HIVEP3: variants seen among roughly 807,000 people sequenced by gnomAD.
HIVEP3 encodes HIVEP zinc finger 3, also known as transcription factor HIVEP3.
In HIVEP3, 49 loss-of-function variants were observed where a neutral mutation model predicts 152.8. The ratio of observed to expected loss-of-function variants is 0.32; its 90% confidence interval spans 0.26 to 0.41. HIVEP3 has a LOEUF of 0.41. Ranked by LOEUF, HIVEP3 falls within the 10% of genes least tolerant of loss-of-function variation. HIVEP3 has a pLI of 1.00. For synonymous variants in HIVEP3, 1,269 were observed against 1,289.0 expected, an observed-to-expected ratio of 0.98 and a Z score of 0.33; for missense variants, 2,790 against 3,103.3, an observed-to-expected ratio of 0.90 and a Z score of 2.40.
intron 3 of HIVEP3, among the ~76,000 whole-genome samples, chr1:41,619,271 C>T (rs71652199): frequency 0.044 from 6,712 of 152,338 alleles, 179 homozygotes; most frequent in East Asian, 0.096. Context: ...ACTCTCCACC[C>T]GTCCTGACTG....
intron 1 of HIVEP3, among the ~76,000 whole-genome samples, chr1:41,829,984 A>T (rs1642915232): frequency 6.6e-6 from 1 of 152,236 alleles, no homozygotes; most frequent in Non-Finnish European, 1.5e-5. Context: ...AGAAAAAGCT[A>T]ATCAAATGGG....
intron 1 of HIVEP3, among the ~76,000 whole-genome samples, chr1:41,785,582 A>G (rs1649298807): frequency 6.6e-6 from 1 of 152,248 alleles, no homozygotes; most frequent in African/African-American, 2.4e-5. Context: ...TCTGGCTTTG[A>G]AAATATTTAT....
chr1:41,667,388 G>T (rs1224297331), intron 2 of HIVEP3, among the ~76,000 whole-genome samples: 2 of 152,234 alleles, frequency 1.3e-5, no homozygotes, highest in South Asian at 4.1e-4. Flanking sequence ...TCTGGCCTAA[G>T]CTCTGAGACT....
At chr1:41,691,164 C>T (rs1388722040) in intron 2 of HIVEP3, among the ~76,000 whole-genome samples, 1 of 152,164 alleles carries the variant, frequency 6.6e-6, no homozygotes, top group Non-Finnish European at 1.5e-5. Context: ...GCAAGCAATA[C>T]ATAAAAGTGT....
At chr1:41,512,186 G>A (rs546538475) in intron 8 of HIVEP3, among the ~76,000 whole-genome samples, 7 of 152,260 alleles carry the variant, frequency 4.6e-5, no homozygotes, top group Admixed American at 1.3e-4. Context: ...CCCAAATCTC[G>A]TGTTGAATTG....
intron 3 of HIVEP3, among the ~76,000 whole-genome samples, chr1:41,616,096 A>G (rs775152346): frequency 1.3e-5 from 2 of 151,518 alleles, no homozygotes; most frequent in Non-Finnish European, 2.9e-5. Context: ...CTCTCCCTCC[A>G]CTCCCAAAGC....
At chr1:41,811,130 G>C (rs1378372653) in intron 1 of HIVEP3, among the ~76,000 whole-genome samples, 1 of 149,388 alleles carries the variant, frequency 6.7e-6, no homozygotes, top group Non-Finnish European at 1.5e-5. Flanking sequence ...TGCAGGGTTT[G>C]TGTCACCTGG....
chr1:41,974,492 C>T (rs1645248721), intron 1 of HIVEP3, among the ~76,000 whole-genome samples: 1 of 150,076 alleles, frequency 6.7e-6, no homozygotes, highest in Admixed American at 6.6e-5. Context: ...CCCCTACACA[C>T]ACACACACAC....
Position 41,617,625 on chromosome 1 carries a change from G to C in HIVEP3, c.-522+11124C>G, listed in dbSNP as rs762557262. ...TCCCCATTCAAAGACACACAGAGAGGGACATTGACAGTGCACAGGAGATAT... is the reference window on the plus strand; with the variant it reads ...TCCCCATTCAAAGACACACAGAGAGCGACATTGACAGTGCACAGGAGATAT... On this transcript the variant is annotated intron_variant, in intron 3 of 8. Transcript: ENST00000372583. Among the ~76,000 whole-genome samples the C allele has an allele frequency of 5.2e-4, 79 of 152,212 alleles. 1 individual carries two copies. Among genetic ancestry groups the C allele is most frequent in the Admixed American group, 2.0e-4 (3 of 15,286 alleles).
At chr1:41,915,692 T>C (rs1281243567) in intron 1 of HIVEP3, among the ~76,000 whole-genome samples, 1 of 152,232 alleles carries the variant, frequency 6.6e-6, no homozygotes, top group African/African-American at 2.4e-5. Flanking sequence ...CTAATACCTA[T>C]CAACTACATA....
rs10530354 is a variant in HIVEP3, at chr1:41,665,707, T to TACACACACACACACACACACACACAC, written c.-721+35183_-721+35208dup. On this transcript the variant is annotated intron_variant, in intron 2 of 8. Transcript: ENST00000372583. ...AATGCTTGTTTCCACGGAAATGTTA[T>TACACACACACACACACACACACACAC]ACACACACACACACACACACACACA... 9.4e-3 allele frequency among the ~76,000 whole-genome samples: 1,198 copies of TACACACACACACACACACACACACAC among 127,968 alleles called. 32 individuals are homozygous for TACACACACACACACACACACACACAC. The highest frequency in any genetic ancestry group is 0.016 in the Middle Eastern group (4 of 256). 84.0% of individuals were successfully genotyped at this position (127,968 alleles called of 152,430 possible). A position where few individuals can be genotyped will look rare whatever the true frequency, so the allele number is the denominator to read the frequency against.
intron 1 of HIVEP3, among the ~76,000 whole-genome samples, chr1:41,861,648 GGGA>G (rs1387796052): frequency 6.6e-6 from 1 of 152,206 alleles, no homozygotes; most frequent in Admixed American, 6.5e-5. Flanking sequence ...TTCCAGCCCT[GGGA>G]GGAGGATTTG....
At position 41,582,455 on chromosome 1, in the gene HIVEP3, C is replaced by A; in HGVS notation, c.2343G>T (p.Gly781=). 1 of 1,614,020 alleles carries A rather than the reference C, an allele frequency of 6.2e-7. No homozygotes were observed. The highest frequency in any genetic ancestry group is 8.5e-7 in the Non-Finnish European group (1 of 1,179,874). The change falls in exon 4 of 9, where the codon GGG becomes GGT. Residue 781 remains glycine, a synonymous_variant. Transcript: ENST00000372583. The surrounding 1 kb of genome is among the most constrained non-coding windows in gnomAD (Gnocchi z 4.7). ...TGFQPRTPKP[G]SGSESGKERR... The stretch of plus-strand genomic sequence containing the variant: ...TCTCCTTCCCTGATTCTGAACCGGA[C>A]CCTGGCTTGGGAGTCCTTGGCTGGA...
At chr1:41,575,825 G>A in intron 4 of HIVEP3, 136 bp from the exon 5 acceptor site, 2 of 926,928 alleles carry the variant, frequency 2.2e-6, no homozygotes, top group East Asian at 2.5e-5. Flanking sequence ...CCCATGAAGA[G>A]GTGCTATTAG....
intron 4 of HIVEP3, among the ~76,000 whole-genome samples, chr1:41,576,353 C>T (rs538228544): frequency 6.6e-6 from 1 of 152,212 alleles, no homozygotes; most frequent in Admixed American, 6.5e-5. Flanking sequence ...GCAGGACCCA[C>T]GCTCTTTACA....
At chr1:41,602,992 T>A (rs1450867027) in intron 3 of HIVEP3, among the ~76,000 whole-genome samples, 1 of 152,146 alleles carries the variant, frequency 6.6e-6, no homozygotes, top group Non-Finnish European at 1.5e-5. Context: ...TTACAGTGTG[T>A]CATTTAATTT....
rs1644475925 is a variant in HIVEP3, at chr1:41,584,615, G to T, written c.183C>A (p.Gly61=). The change falls in exon 4 of 9, where the codon GGC becomes GGA. Residue 61 remains glycine, a synonymous_variant. Transcript: ENST00000372583. The surrounding 1 kb of genome is among the most constrained non-coding windows in gnomAD (Gnocchi z 5.2). ...QELLAPQPFP[G]PSSVLREGSQ... The stretch of plus-strand genomic sequence containing the variant: ...AGCCTTCCCTAAGAACTGATGAGGG[G>T]CCCGGGAAGGGCTGCGGGGCTAAGA... The T allele has an allele frequency of 6.2e-7, 1 of 1,610,750 alleles. No homozygotes were observed. The highest frequency in any genetic ancestry group is 8.5e-7 in the Non-Finnish European group (1 of 1,177,902).
chr1:41,940,853 GA>G (rs1216107074), intron 1 of HIVEP3, among the ~76,000 whole-genome samples: 3 of 151,784 alleles, frequency 2.0e-5, no homozygotes, highest in African/African-American at 7.3e-5. Flanking sequence ...AGAGGAGAGA[GA>G]GGGGGAGGAC....
At position 41,556,366 on chromosome 1, in the gene HIVEP3, C is replaced by T. The variant is rs866388448; in HGVS notation, c.5207+19178G>A. Among the ~76,000 whole-genome samples, 258 of 152,246 alleles carry T rather than the reference C, an allele frequency of 1.7e-3. 1 individual carries two copies. Among genetic ancestry groups the T allele is most frequent in the African/African-American group, 5.9e-3 (246 of 41,554 alleles). The stretch of plus-strand genomic sequence containing the variant: ...TCATTGTAGTTTGGACTTTTATTTC[C>T]CTCATGATTAGTGAGGTTGAATGTC... On this transcript the variant is annotated intron_variant, in intron 5 of 8. Coordinates refer to ENST00000372583, the MANE Select transcript of HIVEP3 (RefSeq NM_024503.5).
Sources: allele counts gnomAD v4.1 joint callset (sites outside exome capture counted in the v4.1 genomes callset), GRCh38; gene constraint gnomAD v4.1.1; non-coding constraint Gnocchi (gnomAD v3.1); transcripts MANE v1.5; gene names NCBI Gene and HGNC (gene_info 2026-07-23, HGNC 2026-07-21).